The following ENTREP2 variants were observed in gnomAD, a reference collection of about 807,000 sequenced individuals.
The protein encoded by ENTREP2 is protein ENTREP2.
At chr15:29,214,289 C>T in the ENTREP2 span, among the ~76,000 whole-genome samples, 1 of 152,282 alleles carries the variant, frequency 6.6e-6, no homozygotes, top group East Asian at 1.9e-4. Context: ...GGAACCAACC[C>T]CAATGTCCAA....
the ENTREP2 span, chr15:29,122,203 T>C: frequency 2.0e-5 from 3 of 151,640 alleles, no homozygotes; most frequent in Admixed American, 1.3e-4. Context: ...TCCACGGCCA[T>C]TGTTGGGAGC....
the ENTREP2 span, among the ~76,000 whole-genome samples, chr15:29,558,303 T>C: frequency 1.3e-5 from 2 of 152,010 alleles, no homozygotes; most frequent in African/African-American, 2.4e-5. Context: ...GGCTCTGCTG[T>C]TTCCCACGCC....
chr15:29,287,797 A>G, the ENTREP2 span, among the ~76,000 whole-genome samples: 47 of 152,376 alleles, frequency 3.1e-4, no homozygotes, highest in Non-Finnish European at 5.7e-4. Flanking sequence ...GGCCCTGAAT[A>G]GCAAAACAAG....
the ENTREP2 span, among the ~76,000 whole-genome samples, chr15:29,144,643 T>C: frequency 1.4e-4 from 21 of 152,174 alleles, no homozygotes; most frequent in East Asian, 9.7e-4. Context: ...AGTGGGAGGA[T>C]TGCTTGAGCC....
At chr15:29,422,409 A>G in the ENTREP2 span, among the ~76,000 whole-genome samples, 2 of 152,230 alleles carry the variant, frequency 1.3e-5, no homozygotes, top group African/African-American at 4.8e-5. Context: ...GGGCTCAGCA[A>G]CACTATGGCA....
At chr15:29,509,191 C>G in the ENTREP2 span, among the ~76,000 whole-genome samples, 4 of 152,144 alleles carry the variant, frequency 2.6e-5, no homozygotes, top group Admixed American at 2.6e-4. Context: ...ATACAACTTA[C>G]AAGGGATGTG....
the ENTREP2 span, among the ~76,000 whole-genome samples, chr15:29,428,911 G>C: frequency 6.6e-6 from 1 of 152,214 alleles, no homozygotes; most frequent in Non-Finnish European, 1.5e-5. Flanking sequence ...TGCACAGAGA[G>C]GCAGCAGAAT....
chr15:29,423,470 T>C, the ENTREP2 span, among the ~76,000 whole-genome samples: 166 of 152,166 alleles, frequency 1.1e-3, 1 homozygote, highest in Middle Eastern at 0.01. Context: ...TTTAAATGTA[T>C]TCATACCTAG....
chr15:29,477,534 A>G, the ENTREP2 span, among the ~76,000 whole-genome samples: 1 of 152,212 alleles, frequency 6.6e-6, no homozygotes, highest in Non-Finnish European at 1.5e-5. Context: ...CTGAAAGCCC[A>G]TTAAATTTTT....
chr15:29,215,971 G>A, the ENTREP2 span, among the ~76,000 whole-genome samples: 2 of 152,158 alleles, frequency 1.3e-5, no homozygotes, highest in Non-Finnish European at 2.9e-5. Flanking sequence ...TGAGATGTGA[G>A]GTACCATTGC....
the ENTREP2 span, among the ~76,000 whole-genome samples, chr15:29,491,355 G>A: frequency 0.33 from 49,447 of 152,134 alleles, 8,239 homozygotes; most frequent in African/African-American, 0.39. Context: ...CTCCTCAAGC[G>A]TGGCCAAAGC....
the ENTREP2 span, among the ~76,000 whole-genome samples, chr15:29,358,484 G>C: frequency 6.6e-6 from 1 of 152,208 alleles, no homozygotes; most frequent in Admixed American, 6.5e-5. Flanking sequence ...GAGCCCACAG[G>C]AGGGTCCTGG....
At chr15:29,259,052 T>C in the ENTREP2 span, among the ~76,000 whole-genome samples, 146 of 152,346 alleles carry the variant, frequency 9.6e-4, 5 homozygotes, top group East Asian at 0.018. Context: ...GCTGAACACT[T>C]GTAGCATCCA....
the ENTREP2 span, among the ~76,000 whole-genome samples, chr15:29,631,935 A>G: frequency 2.0e-5 from 3 of 152,216 alleles, no homozygotes; most frequent in Non-Finnish European, 2.9e-5. Context: ...ATAGGAGTCT[A>G]GACTCTCCTT....
the ENTREP2 span, among the ~76,000 whole-genome samples, chr15:29,261,645 G>T: frequency 1.3e-5 from 2 of 152,230 alleles, no homozygotes; most frequent in South Asian, 2.1e-4. Context: ...GATTTTATAC[G>T]CAACATTTTA....
chr15:29,249,461 C>T, the ENTREP2 span, among the ~76,000 whole-genome samples: 1 of 152,094 alleles, frequency 6.6e-6, no homozygotes, highest in African/African-American at 2.4e-5. Context: ...ACATTATGCA[C>T]AGAAAAGACT....
chr15:29,346,120 G>A, the ENTREP2 span, among the ~76,000 whole-genome samples: 5 of 152,174 alleles, frequency 3.3e-5, no homozygotes, highest in Admixed American at 1.3e-4. Flanking sequence ...CAGAAGCTGC[G>A]CTGCACAACG....
At chr15:29,527,048 CA>C in the ENTREP2 span, among the ~76,000 whole-genome samples, 1 of 152,158 alleles carries the variant, frequency 6.6e-6, no homozygotes, top group African/African-American at 2.4e-5. Context: ...CTGCTTTCAA[CA>C]TCCTTGAAAC....
chr15:29,534,616 A>C, the ENTREP2 span, among the ~76,000 whole-genome samples: 2 of 152,216 alleles, frequency 1.3e-5, no homozygotes, highest in Admixed American at 1.3e-4. Context: ...TTTTGAGGGC[A>C]TGAGGGCTTA....
Sources: allele counts gnomAD v4.1 joint callset (sites outside exome capture counted in the v4.1 genomes callset), GRCh38; gene constraint gnomAD v4.1.1; transcripts MANE v1.5; gene names NCBI Gene and HGNC (gene_info 2026-07-23, HGNC 2026-07-21).